The following XYLT1 variants were observed in gnomAD, a reference collection of about 807,000 sequenced individuals.
XYLT1 encodes the protein xylosyltransferase 1.
In XYLT1, 36 loss-of-function variants were observed where a neutral mutation model predicts 91.3. The ratio of observed to expected loss-of-function variants is 0.39; its 90% CI spans 0.30 to 0.52. XYLT1 has a LOEUF of 0.52. XYLT1 is among the 20% of genes least tolerant of loss of function. The pLI, the probability that XYLT1 is intolerant of heterozygous loss-of-function variation, is 0.68. For synonymous variants in XYLT1, 588 were observed against 532.0 expected, an observed-to-expected ratio of 1.11 and a Z score of -1.45; for missense variants, 1,242 against 1,284.5, an observed-to-expected ratio of 0.97 and a Z score of 0.51.
At chr16:17,251,915 G>A (rs939266638) in intron 3 of XYLT1, among the ~76,000 whole-genome samples, 9 of 151,988 alleles carry the variant, frequency 5.9e-5, no homozygotes, top group East Asian at 1.9e-4. Context: ...AAAGTGGGGT[G>A]AGTGGGAGTT....
At chr16:17,131,552 G>T (rs1425113133) in intron 9 of XYLT1, among the ~76,000 whole-genome samples, 1 of 152,184 alleles carries the variant, frequency 6.6e-6, no homozygotes, top group South Asian at 2.1e-4. Flanking sequence ...AGTGCTTCGT[G>T]CCTGCCCCGG....
At chr16:17,375,481 AACACAC>A (rs71137985) in intron 1 of XYLT1, among the ~76,000 whole-genome samples, 41 of 147,430 alleles carry the variant, frequency 2.8e-4, no homozygotes, top group African/African-American at 7.9e-4. Flanking sequence ...TAACATTTAA[AACACAC>A]ACACACACAC....
intron 2 of XYLT1, among the ~76,000 whole-genome samples, chr16:17,295,999 C>T (rs2034303600): frequency 6.6e-6 from 1 of 152,034 alleles, no homozygotes; most frequent in Non-Finnish European, 1.5e-5. Flanking sequence ...TCCTCCAAAC[C>T]ATTTCTCGCA....
intron 1 of XYLT1, among the ~76,000 whole-genome samples, chr16:17,359,868 C>T (rs1202117965): frequency 1.3e-5 from 2 of 152,146 alleles, no homozygotes; most frequent in East Asian, 1.9e-4. Flanking sequence ...TTGTATCACT[C>T]GCATGCAGAA....
rs562269076 is a variant in XYLT1, at chr16:17,344,259, G to A, written c.402+13753C>T. 3.4e-3 allele frequency among the ~76,000 whole-genome samples: 510 copies of A among 151,334 alleles called. 1 individual carries two copies. The highest frequency in any genetic ancestry group is 4.4e-3 in the Non-Finnish European group (301 of 67,866). ...GCACTTTGGGAGGCCAAGGCGGGCG[G>A]ATCACGAGGTCAGGAGATTGAGACC... On this transcript the variant is annotated intron_variant, in intron 2 of 11. Coordinates refer to ENST00000261381, the MANE Select transcript of XYLT1 (RefSeq NM_022166.4).
At chr16:17,206,493 C>T (rs978238604) in intron 3 of XYLT1, among the ~76,000 whole-genome samples, 4 of 151,984 alleles carry the variant, frequency 2.6e-5, no homozygotes, top group African/African-American at 4.8e-5. Context: ...GCCACGGGGG[C>T]CTGGGCAAGT....
chr16:17,399,244 C>T (rs929142399), intron 1 of XYLT1, among the ~76,000 whole-genome samples: 5 of 152,126 alleles, frequency 3.3e-5, no homozygotes, highest in Admixed American at 6.5e-5. Context: ...AGCATGGCAA[C>T]GGAGGCTGAG....
At chr16:17,111,309 C>T (rs1966840352) in intron 11 of XYLT1, among the ~76,000 whole-genome samples, 1 of 152,228 alleles carries the variant, frequency 6.6e-6, no homozygotes, top group African/African-American at 2.4e-5. Flanking sequence ...AAGCTAAACA[C>T]TTCTATTATT....
At chr16:17,133,547 A>T (rs1352750706) in intron 9 of XYLT1, among the ~76,000 whole-genome samples, 1 of 152,142 alleles carries the variant, frequency 6.6e-6, no homozygotes, top group East Asian at 1.9e-4. Flanking sequence ...AAAAGGAATC[A>T]TTATCATTGC....
intron 1 of XYLT1, 107 bp from the exon 2 acceptor site, chr16:17,358,157 TCTCGC>T: frequency 1.7e-6 from 2 of 1,164,594 alleles, no homozygotes; most frequent in Non-Finnish European, 2.4e-6. Context: ...AGAGACAGGG[TCTCGC>T]TTTGTTGCCC....
chr16:17,363,278 G>T (rs760336214), intron 1 of XYLT1, among the ~76,000 whole-genome samples: 1 of 152,206 alleles, frequency 6.6e-6, no homozygotes, highest in Non-Finnish European at 1.5e-5. Context: ...AGGTTTAGGG[G>T]TCGCCCCAGA....
intron 2 of XYLT1, among the ~76,000 whole-genome samples, chr16:17,289,438 A>G (rs929130545): frequency 6.6e-6 from 1 of 152,150 alleles, no homozygotes; most frequent in Non-Finnish European, 1.5e-5. Flanking sequence ...CTACCCTGAG[A>G]CATGTGACAA....
chr16:17,229,128 C>T (rs1323827920), intron 3 of XYLT1, among the ~76,000 whole-genome samples: 1 of 152,184 alleles, frequency 6.6e-6, no homozygotes, highest in Non-Finnish European at 1.5e-5. Context: ...TGCCACCAAG[C>T]CCGGCTAATT....
Position 17,277,894 on chromosome 16 carries a change from C to T in XYLT1, c.403-18396G>A, listed in dbSNP as rs903654252. On this transcript the variant is annotated intron_variant, in intron 2 of 11. Transcript: ENST00000261381. Reference sequence around the variant, plus strand: ...CAGATGTGGGAACTGAGGCTCACAGCGGTTATCTCAGCAGGTTTATGAGCC... The same window carrying T: ...CAGATGTGGGAACTGAGGCTCACAGTGGTTATCTCAGCAGGTTTATGAGCC... Among the ~76,000 whole-genome samples, 5 of 152,062 alleles carry T rather than the reference C, an allele frequency of 3.3e-5. No homozygotes were observed. The East Asian group carries it at 5.8e-4, about 18-fold the overall frequency.
intron 4 of XYLT1, among the ~76,000 whole-genome samples, chr16:17,199,666 A>G (rs1276907472): frequency 6.6e-6 from 1 of 152,262 alleles, no homozygotes; most frequent in East Asian, 1.9e-4. Context: ...TGATGGTTTT[A>G]CACCGGGAAA....
chr16:17,244,979 A>G (rs912493911), intron 3 of XYLT1, among the ~76,000 whole-genome samples: 1 of 152,224 alleles, frequency 6.6e-6, no homozygotes, highest in Non-Finnish European at 1.5e-5. Context: ...TACAAGTTTC[A>G]GATTTATACA....
At chr16:17,143,208 A>G (rs1336472935) in intron 6 of XYLT1, among the ~76,000 whole-genome samples, 3 of 152,182 alleles carry the variant, frequency 2.0e-5, no homozygotes, top group Admixed American at 6.5e-5. Flanking sequence ...CATTCATTGC[A>G]CACATAACCA....
chr16:17,235,532 C>T (rs2033233947), intron 3 of XYLT1, among the ~76,000 whole-genome samples: 1 of 152,114 alleles, frequency 6.6e-6, no homozygotes, highest in Non-Finnish European at 1.5e-5. Flanking sequence ...CAATGCCTCT[C>T]AGTATTTCTT....
At chr16:17,335,149 C>T (rs888573581) in intron 2 of XYLT1, among the ~76,000 whole-genome samples, 6 of 148,616 alleles carry the variant, frequency 4.0e-5, no homozygotes, top group African/African-American at 9.9e-5. Context: ...CAACTGAACG[C>T]GGGGACGTTG....
Sources: allele counts gnomAD v4.1 joint callset (sites outside exome capture counted in the v4.1 genomes callset), GRCh38; gene constraint gnomAD v4.1.1; transcripts MANE v1.5; gene names NCBI Gene and HGNC (gene_info 2026-07-23, HGNC 2026-07-21).